Variants in LRPPRC observed in about 807,000 individuals in gnomAD.
LRPPRC encodes leucine-rich PPR motif-containing protein, mitochondrial.
In LRPPRC, 120 loss-of-function variants were observed where a neutral mutation model predicts 180.3. The observed-to-expected ratio is 0.67, with a 90% confidence interval of 0.57 to 0.77. The LOEUF (loss-of-function observed/expected upper bound fraction) is 0.77, where lower values mean the gene tolerates loss of function less well. LRPPRC is among the 30% of genes least tolerant of loss of function. LRPPRC has a pLI of 0.00. For synonymous variants in LRPPRC, 723 were observed against 600.0 expected, an observed-to-expected ratio of 1.21 and a Z score of -3.00; for missense variants, 2,012 against 1,657.2, an observed-to-expected ratio of 1.21 and a Z score of -3.72.
intron 25 of LRPPRC, among the ~76,000 whole-genome samples, chr2:43,928,792 C>T: frequency 6.6e-6 from 1 of 152,100 alleles, no homozygotes; most frequent in African/African-American, 2.4e-5. Flanking sequence ...CATCCCCACC[C>T]CAACCCAAGT....
intron 25 of LRPPRC, among the ~76,000 whole-genome samples, chr2:43,930,469 A>T (rs1213111374): frequency 6.6e-6 from 1 of 152,162 alleles, no homozygotes; most frequent in African/African-American, 2.4e-5. Context: ...GACTTTTGGA[A>T]TATCTGTATT....
intron 2 of LRPPRC, among the ~76,000 whole-genome samples, chr2:43,981,970 C>T (rs1017457518): frequency 1.3e-5 from 2 of 151,720 alleles, no homozygotes; most frequent in South Asian, 2.1e-4. Context: ...TGCAGTTGTG[C>T]GATCTTAGCT....
intron 14 of LRPPRC, 118 bp from the exon 15 acceptor site, chr2:43,950,718 T>G (rs1391357395): frequency 7.8e-6 from 6 of 769,286 alleles, no homozygotes; most frequent in Non-Finnish European, 1.4e-5. Context: ...GTTTGCTGTA[T>G]CAGGATGAAT....
chr2:43,899,598 T>C lies in LRPPRC; in HGVS notation c.3577A>G (p.Ile1193Val), dbSNP rs1670815491. The part of the protein sequence containing the change: ...IALAQIKNNN[I>V]DAAIENIENM... Reference sequence around the variant, plus strand: ...TCAATGTTTTCTATTGCGGCATCTATGTTATTACTGTTAAAAGCAAAATAA... The same window carrying C: ...TCAATGTTTTCTATTGCGGCATCTACGTTATTACTGTTAAAAGCAAAATAA... The change falls in exon 33 of 38, where the codon ATA becomes GTA. Residue 1193 changes from isoleucine to valine, a missense_variant. Physicochemically the swap from Ile to Val is conservative, Grantham distance 29 (BLOSUM62 3). Coordinates refer to ENST00000260665, the MANE Select transcript of LRPPRC (RefSeq NM_133259.4). 1.9e-6 allele frequency: 3 copies of C among 1,606,952 alleles called. No homozygotes were observed. Among genetic ancestry groups the C allele is most frequent in the Non-Finnish European group, 1.7e-6 (2 of 1,173,904 alleles).
intron 11 of LRPPRC, among the ~76,000 whole-genome samples, chr2:43,964,527 C>T (rs933925850): frequency 6.6e-6 from 1 of 152,142 alleles, no homozygotes; most frequent in Non-Finnish European, 1.5e-5. Context: ...GTCCCTGTTT[C>T]TGGCCTACTA....
chr2:43,931,698 T>G (rs749904335), intron 25 of LRPPRC, among the ~76,000 whole-genome samples: 1 of 152,132 alleles, frequency 6.6e-6, no homozygotes, highest in Non-Finnish European at 1.5e-5. Flanking sequence ...AGACCTGAGT[T>G]AACAGAAAAT....
At chr2:43,945,908 T>C (rs2105081979) in intron 21 of LRPPRC, among the ~76,000 whole-genome samples, 1 of 151,874 alleles carries the variant, frequency 6.6e-6, no homozygotes, top group African/African-American at 2.4e-5. Flanking sequence ...TAGAATGTCT[T>C]ATCATACTTA....
intron 11 of LRPPRC, 41 bp from the exon 12 acceptor site, chr2:43,963,747 G>C (rs1428657804): frequency 1.9e-5 from 20 of 1,047,568 alleles, no homozygotes; most frequent in Non-Finnish European, 2.9e-5. Context: ...AGAGAACTTA[G>C]AATAAAGTAA....
At chr2:43,890,690 G>C (rs1558886535) in intron 36 of LRPPRC, among the ~76,000 whole-genome samples, 1 of 152,192 alleles carries the variant, frequency 6.6e-6, no homozygotes, top group Non-Finnish European at 1.5e-5. Flanking sequence ...TCCAGCCTGG[G>C]CAACAAGAGC....
intron 30 of LRPPRC, among the ~76,000 whole-genome samples, chr2:43,910,505 G>C (rs1408101936): frequency 1.3e-5 from 2 of 152,156 alleles, no homozygotes; most frequent in Non-Finnish European, 2.9e-5. Context: ...AAAGTGTTGG[G>C]ATTACAGGCA....
At chr2:43,978,467 T>G (rs983516535) in intron 3 of LRPPRC, among the ~76,000 whole-genome samples, 1 of 152,196 alleles carries the variant, frequency 6.6e-6, no homozygotes, top group African/African-American at 2.4e-5. Flanking sequence ...TATGGAGGAA[T>G]TAATGTTATT....
chr2:43,934,340 A>C lies in LRPPRC; in HGVS notation c.2630-44T>G, dbSNP rs753437132. On this transcript the variant is annotated intron_variant, in intron 24 of 37. Coordinates refer to ENST00000260665, the MANE Select transcript of LRPPRC (RefSeq NM_133259.4). ...AATATATATATTAGGAGAAAAAAAA[A>C]CCCAGAAAAACAGTATCATATGAAG... 40 of 900,222 alleles carry C rather than the reference A, an allele frequency of 4.4e-5. 1 individual carries two copies. Among genetic ancestry groups the C allele is most frequent in the South Asian group, 1.7e-4 (11 of 65,472 alleles). The allele number at this position is 900,222 out of a possible 1,614,324, so 55.8% of individuals were successfully genotyped here.
chr2:43,919,741 C>G (rs978507219), intron 27 of LRPPRC, among the ~76,000 whole-genome samples: 1 of 151,902 alleles, frequency 6.6e-6, no homozygotes, highest in African/African-American at 2.4e-5. Context: ...TGAAAAATGT[C>G]ACATGACACT....
intron 17 of LRPPRC, 79 bp from the exon 18 acceptor site, chr2:43,948,278 CAG>C: frequency 1.0e-6 from 1 of 968,794 alleles, no homozygotes; most frequent in Non-Finnish European, 1.7e-6. Context: ...GAAATTATCT[CAG>C]ACATAATTTA....
chr2:43,973,110 A>G (rs1380959338), intron 11 of LRPPRC, among the ~76,000 whole-genome samples: 1 of 152,250 alleles, frequency 6.6e-6, no homozygotes, highest in African/African-American at 2.4e-5. Flanking sequence ...TCCTTCAATC[A>G]GCAGGCTGTC....
chr2:43,903,876 C>T (rs1047585147), intron 31 of LRPPRC: 1 of 152,134 alleles, frequency 6.6e-6, no homozygotes, highest in Non-Finnish European at 1.5e-5. Flanking sequence ...ATATGGCGAG[C>T]AAGTTTAACT....
Position 43,988,493 on chromosome 2 carries a change from G to A in LRPPRC, c.150-6059C>T, listed in dbSNP as rs576337373. On this transcript the variant is annotated intron_variant, in intron 1 of 37. Coordinates refer to ENST00000260665, the MANE Select transcript of LRPPRC (RefSeq NM_133259.4). ...AGAGGTTGCAGTGAGCCGAGATCACGCCACTGCACTTCAATCTGGGCAGTA... is the reference window on the plus strand; with the variant it reads ...AGAGGTTGCAGTGAGCCGAGATCACACCACTGCACTTCAATCTGGGCAGTA... 5.9e-5 allele frequency among the ~76,000 whole-genome samples: 9 copies of A among 152,222 alleles called. No homozygotes were observed. The South Asian group carries it at 8.3e-4, about 14-fold the overall frequency.
At chr2:43,960,776 A>G (rs1673316583) in intron 12 of LRPPRC, 142 bp from the exon 13 acceptor site, 5 of 669,470 alleles carry the variant, frequency 7.5e-6, no homozygotes, top group South Asian at 6.5e-5. Context: ...ATTGAATTTT[A>G]GCAAAAATTT....
intron 25 of LRPPRC, among the ~76,000 whole-genome samples, chr2:43,928,253 ATTACT>A (rs1231931921): frequency 1.3e-5 from 2 of 152,226 alleles, no homozygotes; most frequent in African/African-American, 4.8e-5. Flanking sequence ...AATAACTGTC[ATTACT>A]TTAATTTCAT....
Sources: allele counts gnomAD v4.1 joint callset (sites outside exome capture counted in the v4.1 genomes callset), GRCh38; gene constraint gnomAD v4.1.1; transcripts MANE v1.5; gene names NCBI Gene and HGNC (gene_info 2026-07-23, HGNC 2026-07-21).